ARSG: variants seen among roughly 807,000 people sequenced by gnomAD.
The protein encoded by ARSG is arylsulfatase G, also known as ASG.
In ARSG, 37 loss-of-function variants were observed where a neutral mutation model predicts 50.5. The observed-to-expected ratio is 0.73, with a 90% CI of 0.56 to 0.96. ARSG has a LOEUF of 0.96. Ranked by LOEUF, ARSG falls within the 50% of genes least tolerant of loss-of-function variation. The pLI is 0.00. For missense variants in ARSG, 629 were observed against 675.3 expected (o/e 0.93, Z 0.76); for synonymous variants, 225 against 254.6 (o/e 0.88, Z 1.11).
At chr17:68,289,585 C>T (rs1224197330), upstream of ARSG, among the ~76,000 whole-genome samples, 2 of 152,194 alleles carry the variant, frequency 1.3e-5, no homozygotes, top group African/African-American at 4.8e-5. Context: ...CAAGTTGTTT[C>T]TGGCCCAAGT....
intron 11 of ARSG, among the ~76,000 whole-genome samples, chr17:68,417,732 A>AT (rs1228418754): frequency 1.6e-5 from 1 of 63,188 alleles, no homozygotes; most frequent in Non-Finnish European, 3.4e-5. Context: ...AGAGTTGCTG[A>AT]ATTTTTTTTT....
At chr17:68,348,777 G>A (rs957962182) in intron 4 of ARSG, among the ~76,000 whole-genome samples, 2 of 152,098 alleles carry the variant, frequency 1.3e-5, no homozygotes, top group Non-Finnish European at 1.5e-5. Flanking sequence ...GGAGGAAGTC[G>A]GAAAAAAACT....
chr17:68,313,772 G>A (rs566840326), intron 2 of ARSG, among the ~76,000 whole-genome samples: 3 of 147,988 alleles, frequency 2.0e-5, no homozygotes, highest in Non-Finnish European at 4.5e-5. Context: ...CTCCGCCTCC[G>A]GGTTCAAGCG....
chr17:68,331,507 G>C (rs918841924), intron 2 of ARSG, among the ~76,000 whole-genome samples: 4 of 152,116 alleles, frequency 2.6e-5, no homozygotes, highest in African/African-American at 7.2e-5. Flanking sequence ...GCCTCCCAAA[G>C]TGCTGGGATT....
At chr17:68,357,766 G>T (rs952830674) in intron 6 of ARSG, among the ~76,000 whole-genome samples, 1 of 152,146 alleles carries the variant, frequency 6.6e-6, no homozygotes, top group African/African-American at 2.4e-5. Flanking sequence ...CCATCTGAAG[G>T]GGGCAGCTAC....
intron 8 of ARSG, among the ~76,000 whole-genome samples, chr17:68,375,863 T>A (rs2080118812): frequency 6.6e-6 from 1 of 152,020 alleles, no homozygotes; most frequent in African/African-American, 2.4e-5. Flanking sequence ...GGGGCCAGCG[T>A]TCAACGATCT....
At chr17:68,429,896 A>G in the ARSG span, 1 of 1,561,554 alleles carries the variant, frequency 6.4e-7, no homozygotes, top group Non-Finnish European at 8.7e-7. Context: ...GCCTGGGGCA[A>G]GTTTTCTTTT....
At chr17:68,338,048 G>T (rs534207160) in intron 2 of ARSG, among the ~76,000 whole-genome samples, 1 of 152,248 alleles carries the variant, frequency 6.6e-6, no homozygotes, top group South Asian at 2.1e-4. Context: ...TTCTCTAGAT[G>T]GTTTTTAGGG....
chr17:68,267,983 T>A (rs1317461796), intron 1 of ARSG: 3 of 152,232 alleles, frequency 2.0e-5, no homozygotes, highest in Non-Finnish European at 4.4e-5. Context: ...ATAATTCTGA[T>A]CAAAGAAGTT....
intron 1 of ARSG, among the ~76,000 whole-genome samples, chr17:68,266,042 A>T (rs1338363052): frequency 2.0e-5 from 3 of 152,090 alleles, no homozygotes; most frequent in African/African-American, 2.4e-5. Flanking sequence ...AGGTTGCAAC[A>T]GTTCTTGGAA....
At chr17:68,349,953 C>G (rs759584331) in intron 4 of ARSG, among the ~76,000 whole-genome samples, 41 of 152,294 alleles carry the variant, frequency 2.7e-4, no homozygotes, top group Non-Finnish European at 4.7e-4. Context: ...TGGCAAAGAT[C>G]TAATGTCTAA....
At chr17:68,433,760 GTTTTTTTTTTT>G in the ARSG span, among the ~76,000 whole-genome samples, 68 of 72,818 alleles carry the variant, frequency 9.3e-4, 1 homozygote, top group East Asian at 6.0e-3. Flanking sequence ...AAGGGTCATA[GTTTTTTTTTTT>G]TTTTTTTTTT....
intron 1 of ARSG, chr17:68,269,408 C>T (rs1166186208): frequency 5.2e-5 from 63 of 1,211,206 alleles, no homozygotes; most frequent in Middle Eastern, 2.3e-4. Context: ...CTCACCCAGG[C>T]GACCATCCCA....
At chr17:68,384,834 G>T (rs1425757856) in intron 8 of ARSG, among the ~76,000 whole-genome samples, 2 of 152,158 alleles carry the variant, frequency 1.3e-5, no homozygotes, top group African/African-American at 2.4e-5. Context: ...ATAAAATGAG[G>T]TGATTCAGTA....
At chr17:68,282,779 T>TTAAA (rs1188538323) in intron 1 of ARSG, among the ~76,000 whole-genome samples, 3 of 53,398 alleles carry the variant, frequency 5.6e-5, no homozygotes, top group Non-Finnish European at 9.9e-5. Flanking sequence ...CCATCTCTAC[T>TTAAA]AAAAAAAAAA....
intron 6 of ARSG, among the ~76,000 whole-genome samples, chr17:68,361,372 C>T (rs574320510): frequency 6.6e-6 from 1 of 152,256 alleles, no homozygotes; most frequent in African/African-American, 2.4e-5. Flanking sequence ...TGTTAATAAG[C>T]CAAGAATCAG....
At chr17:68,406,143 T>G (rs185293288) in intron 11 of ARSG, among the ~76,000 whole-genome samples, 3 of 152,302 alleles carry the variant, frequency 2.0e-5, no homozygotes, top group Admixed American at 2.0e-4. Flanking sequence ...CATACGATGT[T>G]TGGTTTTTCA....
chr17:68,338,832 C>CT, intron 2 of ARSG, among the ~76,000 whole-genome samples: 1 of 152,334 alleles, frequency 6.6e-6, no homozygotes, highest in East Asian at 1.9e-4. Flanking sequence ...CCTCCTTGGA[C>CT]TTTCGTTTGA....
chr17:68,312,436 C>G (rs1339319623), intron 2 of ARSG, among the ~76,000 whole-genome samples: 3 of 152,084 alleles, frequency 2.0e-5, no homozygotes, highest in South Asian at 2.1e-4. Context: ...TAGGAACTTC[C>G]GCTTTCAGTG....
Sources: allele counts gnomAD v4.1 joint callset (sites outside exome capture counted in the v4.1 genomes callset), GRCh38; gene constraint gnomAD v4.1.1; transcripts MANE v1.5; gene names NCBI Gene and HGNC (gene_info 2026-07-23, HGNC 2026-07-21).